The following PHF21A variants were observed in gnomAD, a reference collection of about 807,000 sequenced individuals.
The protein encoded by PHF21A is PHD finger protein 21A.
Under a neutral mutation model 82.5 loss-of-function variants are expected in PHF21A, and 11 were observed. The ratio of observed to expected loss-of-function variants is 0.13; its 90% CI spans 0.08 to 0.22. PHF21A has a LOEUF of 0.22. Ranked by LOEUF, PHF21A falls within the 10% of genes least tolerant of loss-of-function variation. The pLI is 1.00. For missense variants in PHF21A, 579 were observed against 837.8 expected (o/e 0.69, Z 3.81); for synonymous variants, 297 against 302.8 (o/e 0.98, Z 0.20).
At chr11:45,952,213 C>A (rs1030597791) in intron 11 of PHF21A, among the ~76,000 whole-genome samples, 1 of 152,228 alleles carries the variant, frequency 6.6e-6, no homozygotes, top group Non-Finnish European at 1.5e-5. Flanking sequence ...TTCTGTCCAA[C>A]TAGAAGGTGA....
At chr11:46,024,141 T>C (rs116607064) in intron 6 of PHF21A, among the ~76,000 whole-genome samples, 159 of 152,330 alleles carry the variant, frequency 1.0e-3, no homozygotes, top group African/African-American at 3.8e-3. Context: ...ATTTTATATG[T>C]TGGGCTAACT....
At chr11:46,074,463 G>GT (rs1244308870) in intron 6 of PHF21A, among the ~76,000 whole-genome samples, 1 of 89,028 alleles carries the variant, frequency 1.1e-5, no homozygotes, top group African/African-American at 2.8e-5. Flanking sequence ...TTTGGCGGGA[G>GT]GGGGGAAGGC....
chr11:45,948,590 G>A (rs560461611), intron 14 of PHF21A, among the ~76,000 whole-genome samples: 1 of 152,348 alleles, frequency 6.6e-6, no homozygotes, highest in South Asian at 2.1e-4. Flanking sequence ...ATGGGGTTCT[G>A]TTCACTGTGC....
At chr11:46,035,326 A>T (rs1163946664) in intron 6 of PHF21A, among the ~76,000 whole-genome samples, 1 of 152,148 alleles carries the variant, frequency 6.6e-6, no homozygotes, top group Non-Finnish European at 1.5e-5. Context: ...AATTCATATG[A>T]ATGTTTTATT....
intron 6 of PHF21A, among the ~76,000 whole-genome samples, chr11:46,073,171 A>G (rs1317741000): frequency 6.6e-6 from 1 of 152,066 alleles, no homozygotes; most frequent in East Asian, 1.9e-4. Flanking sequence ...TACTAAAAAT[A>G]CAAAAAATTG....
chr11:46,105,719 T>C (rs2097145792), intron 1 of PHF21A, among the ~76,000 whole-genome samples: 2 of 152,238 alleles, frequency 1.3e-5, no homozygotes, highest in East Asian at 1.9e-4. Context: ...AAAATTCTCA[T>C]AATTTTGTAA....
chr11:45,969,240 A>G (rs2093627466), intron 9 of PHF21A, among the ~76,000 whole-genome samples: 2 of 152,182 alleles, frequency 1.3e-5, no homozygotes. Flanking sequence ...TGCACTGGGA[A>G]TGGTGAAAGT....
chr11:46,065,956 G>A (rs2096588950), intron 6 of PHF21A, among the ~76,000 whole-genome samples: 1 of 152,182 alleles, frequency 6.6e-6, no homozygotes, highest in Non-Finnish European at 1.5e-5. Flanking sequence ...GAGATGTTAG[G>A]GCGGGCACAT....
chr11:45,996,412 A>C (rs2094910465), intron 6 of PHF21A, among the ~76,000 whole-genome samples: 1 of 152,206 alleles, frequency 6.6e-6, no homozygotes, highest in South Asian at 2.1e-4. Context: ...TGTATTGCTC[A>C]GTAACTCACT....
chr11:45,957,320 G>A (rs993870892), intron 10 of PHF21A, among the ~76,000 whole-genome samples: 3 of 152,086 alleles, frequency 2.0e-5, no homozygotes, highest in Admixed American at 6.5e-5. Context: ...CACTCCACAA[G>A]AGCAGCATGC....
chr11:45,971,885 T>TCTTC (rs1365881019), intron 7 of PHF21A, among the ~76,000 whole-genome samples: 4 of 68,146 alleles, frequency 5.9e-5, no homozygotes, highest in Non-Finnish European at 1.1e-4. Context: ...AGTGTCTTTT[T>TCTTC]CTTTCTTTTT....
At chr11:46,037,399 TG>T (rs925317061) in intron 6 of PHF21A, among the ~76,000 whole-genome samples, 3 of 152,274 alleles carry the variant, frequency 2.0e-5, no homozygotes, top group African/African-American at 7.2e-5. Context: ...CCCAGCACTT[TG>T]GGAGGCCAAG....
At chr11:45,945,338 C>T (rs558928718) in intron 15 of PHF21A, among the ~76,000 whole-genome samples, 3 of 152,256 alleles carry the variant, frequency 2.0e-5, no homozygotes, top group South Asian at 4.2e-4. Flanking sequence ...ACAGTTTTTC[C>T]GGAACCTGTT....
intron 6 of PHF21A, among the ~76,000 whole-genome samples, chr11:46,074,444 A>C (rs1030041197): frequency 1.4e-5 from 2 of 139,014 alleles, no homozygotes; most frequent in African/African-American, 5.0e-5. Flanking sequence ...CCAGAGGATA[A>C]GTGGCTCTTT....
rs2096003445 is a variant in PHF21A at position 46,036,343 on chromosome 11, G to C, written c.153+40411C>G. Among the ~76,000 whole-genome samples, 2 of 152,218 alleles carry C rather than the reference G, an allele frequency of 1.3e-5. 1 individual carries two copies. Among genetic ancestry groups the C allele is most frequent in the South Asian group, 4.1e-4 (2 of 4,836 alleles). ...GCCAGTACGACACTGAAGTGAAGTTGTTCAGTGGGCAGCTGGGCTAGAAAT... is the reference window on the plus strand; with the variant it reads ...GCCAGTACGACACTGAAGTGAAGTTCTTCAGTGGGCAGCTGGGCTAGAAAT... On this transcript the variant is annotated intron_variant, in intron 6 of 18. Transcript: ENST00000676320.
chr11:46,016,065 CAGT>C (rs1038216678), intron 6 of PHF21A, among the ~76,000 whole-genome samples: 10 of 152,136 alleles, frequency 6.6e-5, no homozygotes, highest in African/African-American at 2.2e-4. Flanking sequence ...ACTGGCAGCA[CAGT>C]AGGTTTGTTT....
In PHF21A at chr11:45,932,675, AG is replaced by A. The variant is rs780671901; in HGVS notation, c.*1292del. The A allele has an allele frequency of 2.0e-5, 3 of 152,634 alleles. No homozygotes were observed. The highest frequency in any genetic ancestry group is 4.4e-5 in the Non-Finnish European group (3 of 68,020). The allele number at this position is 152,634 out of a possible 1,614,324, so 9.5% of individuals were successfully genotyped here. On this transcript the variant is annotated 3_prime_UTR_variant, in exon 19 of 19. Coordinates refer to ENST00000676320, the MANE Select transcript of PHF21A (RefSeq NM_001352027.3). The surrounding 1 kb of genome is among the most constrained non-coding windows in gnomAD (Gnocchi z 4.3). ...CCTTGATCTTAATTTAAGTAACACT[AG>A]GAAGACCTCAATATCTTTTATTTTC...
chr11:46,005,111 G>C (rs2095263039), intron 6 of PHF21A, among the ~76,000 whole-genome samples: 1 of 152,140 alleles, frequency 6.6e-6, no homozygotes, highest in Non-Finnish European at 1.5e-5. Context: ...GTTACCAAGA[G>C]CAACCGCAGT....
chr11:46,060,630 G>C (rs1386046706), intron 6 of PHF21A, among the ~76,000 whole-genome samples: 1 of 152,190 alleles, frequency 6.6e-6, no homozygotes, highest in African/African-American at 2.4e-5. Flanking sequence ...CTTTTGAAAA[G>C]TGTCTGTTCG....
Sources: gnomAD v4.1 joint callset for allele counts (sites outside exome capture counted in the v4.1 genomes callset) on GRCh38, gnomAD v4.1.1 for gene constraint, Gnocchi (gnomAD v3.1) non-coding constraint, MANE v1.5 for transcripts, NCBI Gene and HGNC (gene_info 2026-07-23, HGNC 2026-07-21) for gene names.